Variants in CDH12 observed in about 807,000 individuals in gnomAD.
The protein encoded by CDH12 is cadherin-12.
Under a neutral mutation model 74.1 loss-of-function variants are expected in CDH12, and 41 were observed. The ratio of observed to expected loss-of-function variants is 0.55; its 90% CI spans 0.43 to 0.72. CDH12 has a LOEUF of 0.72. Among genes scored for constraint, CDH12 ranks in the 30% least tolerant of loss-of-function variants. The pLI, the probability that CDH12 is intolerant of heterozygous loss-of-function variation, is 0.00. For missense variants in CDH12, 945 were observed against 977.2 expected (o/e 0.97, Z 0.44); for synonymous variants, 399 against 355.0 (o/e 1.12, Z -1.39).
At chr5:22,420,121 G>A (rs1743575288) in intron 2 of CDH12, among the ~76,000 whole-genome samples, 1 of 151,970 alleles carries the variant, frequency 6.6e-6, no homozygotes, top group Admixed American at 6.6e-5. Flanking sequence ...TATTCTGTAG[G>A]TTGTCTGTTC....
At chr5:22,373,948 A>T (rs1299035897) in intron 3 of CDH12, among the ~76,000 whole-genome samples, 1 of 152,186 alleles carries the variant, frequency 6.6e-6, no homozygotes, top group African/African-American at 2.4e-5. Context: ...TCAAACAAAA[A>T]ATGTTCACAA....
chr5:22,700,585 T>G (rs534344493), intron 1 of CDH12, among the ~76,000 whole-genome samples: 1 of 152,356 alleles, frequency 6.6e-6, no homozygotes, highest in East Asian at 1.9e-4. Context: ...GAAACCGTGA[T>G]AAGAAAATGT....
intron 1 of CDH12, among the ~76,000 whole-genome samples, chr5:22,838,306 T>A (rs1293088066): frequency 6.6e-6 from 1 of 152,174 alleles, no homozygotes; most frequent in African/African-American, 2.4e-5. Flanking sequence ...TGAATGTGCT[T>A]GGATTCCCAG....
In CDH12 at chr5:22,450,543, T is replaced by C. The variant is rs1745002034; in HGVS notation, c.-427-45192A>G. On this transcript the variant is annotated intron_variant, in intron 2 of 14. Coordinates refer to ENST00000382254, the MANE Select transcript of CDH12 (RefSeq NM_004061.5). ...CCCAAATTTAATATCATAGTCTCAC[T>C]GTATCAATGTTTCCCTCTTTCTTAG... 2.6e-5 allele frequency among the ~76,000 whole-genome samples: 4 copies of C among 152,088 alleles called. 1 individual carries two copies. The South Asian group carries it at 8.3e-4, about 31-fold the overall frequency.
In CDH12 at chr5:22,244,800, G is replaced by GAAAGAA. The variant is rs1554023741; in HGVS notation, c.-332-32158_-332-32157insTTCTTT. ...AGAAAGAAAGAAAGAAAGAAAGAAAGAAAAATTCAAAGTAGGAGTGGGGAG... is the reference window on the plus strand; with the variant it reads ...AGAAAGAAAGAAAGAAAGAAAGAAAGAAAGAAAAAAATTCAAAGTAGGAGTGGGGAG... On this transcript the variant is annotated intron_variant, in intron 3 of 14. Coordinates refer to ENST00000382254, the MANE Select transcript of CDH12 (RefSeq NM_004061.5). 9.5e-3 allele frequency among the ~76,000 whole-genome samples: 730 copies of GAAAGAA among 76,796 alleles called. 5 individuals carry two copies. The highest frequency in any genetic ancestry group is 0.019 in the Non-Finnish European group (527 of 28,400). The allele number at this position is 76,796 out of a possible 152,430, so 50.4% of individuals were successfully genotyped here.
chr5:21,864,609 A>C (rs1751230832), intron 6 of CDH12, among the ~76,000 whole-genome samples: 1 of 152,208 alleles, frequency 6.6e-6, no homozygotes. Context: ...ACAGGAGCAC[A>C]AAACAGACTA....
At chr5:22,344,740 T>C (rs377545505) in intron 3 of CDH12, among the ~76,000 whole-genome samples, 8 of 152,214 alleles carry the variant, frequency 5.3e-5, no homozygotes, top group East Asian at 1.9e-4. Context: ...TCCAGGATCA[T>C]TTTGTGTCTG....
At chr5:22,638,950 C>A (rs1002770346) in intron 1 of CDH12, 1 of 148,304 alleles carries the variant, frequency 6.7e-6, no homozygotes, top group South Asian at 2.2e-4. Flanking sequence ...ACTCTGGAGG[C>A]TGAGGCAGGA....
chr5:22,039,448 T>C (rs1170307654), intron 5 of CDH12, among the ~76,000 whole-genome samples: 2 of 151,852 alleles, frequency 1.3e-5, no homozygotes, highest in East Asian at 3.9e-4. Flanking sequence ...TCACAATAGG[T>C]TCACAAGACC....
At chr5:22,667,441 C>T (rs1033677360) in intron 1 of CDH12, among the ~76,000 whole-genome samples, 2 of 152,166 alleles carry the variant, frequency 1.3e-5, no homozygotes, top group South Asian at 2.1e-4. Context: ...GTGAGGGGCT[C>T]AATGTGAGAC....
At chr5:22,823,014 A>G (rs1749792068) in intron 1 of CDH12, among the ~76,000 whole-genome samples, 1 of 152,190 alleles carries the variant, frequency 6.6e-6, no homozygotes, top group Admixed American at 6.5e-5. Context: ...CTGGATTAAG[A>G]AAATGTGGCA....
At chr5:21,865,613 T>G (rs529673800) in intron 6 of CDH12, among the ~76,000 whole-genome samples, 3 of 152,184 alleles carry the variant, frequency 2.0e-5, no homozygotes, top group Non-Finnish European at 1.5e-5. Flanking sequence ...CCCAGCCATG[T>G]CTCAAGTGGG....
intron 1 of CDH12, among the ~76,000 whole-genome samples, chr5:22,717,390 C>T (rs1050514402): frequency 6.6e-6 from 1 of 152,128 alleles, no homozygotes; most frequent in Non-Finnish European, 1.5e-5. Flanking sequence ...ACAGACTATA[C>T]CATATAACCT....
At chr5:22,485,118 A>G (rs1746535071) in intron 2 of CDH12, among the ~76,000 whole-genome samples, 2 of 152,188 alleles carry the variant, frequency 1.3e-5, no homozygotes, top group African/African-American at 4.8e-5. Context: ...AGGTGTATAA[A>G]AACTTGTCCA....
intron 1 of CDH12, among the ~76,000 whole-genome samples, chr5:22,710,929 A>G (rs912934966): frequency 1.3e-5 from 2 of 152,150 alleles, no homozygotes; most frequent in Admixed American, 6.6e-5. Flanking sequence ...AATTATTTGT[A>G]TATGTCATTT....
intron 1 of CDH12, among the ~76,000 whole-genome samples, chr5:22,510,934 G>A (rs1010559790): frequency 6.8e-6 from 1 of 147,502 alleles, no homozygotes; most frequent in Admixed American, 6.9e-5. Context: ...TGCTCTTGTC[G>A]CCTAGACTGG....
rs1751419593 is a variant in CDH12 at position 21,867,979 on chromosome 5, C to A, written c.527-13189G>T. Among the ~76,000 whole-genome samples the A allele has an allele frequency of 2.6e-5, 4 of 152,260 alleles. No homozygotes were observed. The South Asian group carries it at 8.3e-4, about 32-fold the overall frequency. ...ATTGAATCACAGGGGCAGTTTCCCC[C>A]ATACTGTTCTCGTGGTAGTGAATAG... On this transcript the variant is annotated intron_variant, in intron 6 of 14. Transcript: ENST00000382254.
chr5:22,145,254 A>C (rs930703615), intron 4 of CDH12, among the ~76,000 whole-genome samples: 70 of 152,262 alleles, frequency 4.6e-4, no homozygotes, highest in Middle Eastern at 3.4e-3. Flanking sequence ...GTATGTGTGC[A>C]TGTACAATAT....
intron 3 of CDH12, among the ~76,000 whole-genome samples, chr5:22,314,880 T>C (rs1255959337): frequency 2.7e-5 from 4 of 148,934 alleles, no homozygotes; most frequent in Admixed American, 1.4e-4. Context: ...GATAATATTT[T>C]TAAAACATGT....
Sources: gnomAD v4.1 joint callset for allele counts (sites outside exome capture counted in the v4.1 genomes callset) on GRCh38, gnomAD v4.1.1 for gene constraint, MANE v1.5 for transcripts, NCBI Gene and HGNC (gene_info 2026-07-23, HGNC 2026-07-21) for gene names.